Variants in POLE2 observed in about 807,000 individuals in gnomAD.
POLE2 encodes the protein DNA polymerase epsilon 2, accessory subunit.
In POLE2, 56 loss-of-function variants were observed where a neutral mutation model predicts 79.4. The observed-to-expected ratio is 0.71, with a 90% CI of 0.57 to 0.88. The LOEUF (loss-of-function observed/expected upper bound fraction) is 0.88. POLE2 is among the 40% of genes least tolerant of loss of function. POLE2 has a pLI of 0.00. For missense variants in POLE2, 598 were observed against 638.9 expected, an observed-to-expected ratio of 0.94 and a Z score of 0.69; for synonymous variants, 212 against 214.0, an observed-to-expected ratio of 0.99 and a Z score of 0.08.
intron 10 of POLE2, among the ~76,000 whole-genome samples, chr14:49,661,343 T>G (rs1594580608): frequency 1.3e-5 from 2 of 152,236 alleles, no homozygotes; most frequent in South Asian, 4.1e-4. Context: ...CTGATATTGT[T>G]ATTGTTCCCA....
At chr14:49,646,099 G>A (rs999294188) in intron 18 of POLE2, among the ~76,000 whole-genome samples, 4 of 152,090 alleles carry the variant, frequency 2.6e-5, no homozygotes, top group Admixed American at 1.3e-4. Flanking sequence ...AAGTGGGCTG[G>A]AAAAGAGCCA....
intron 16 of POLE2, 31 bp downstream of exon 16, chr14:49,651,238 G>A (rs1474384851): frequency 1.1e-6 from 1 of 928,442 alleles, no homozygotes; most frequent in Non-Finnish European, 1.8e-6. Context: ...CAACATGTAA[G>A]GCAGTTTAAT....
At chr14:49,668,130 T>C (rs1226189159) in intron 6 of POLE2, among the ~76,000 whole-genome samples, 4 of 150,712 alleles carry the variant, frequency 2.7e-5, no homozygotes, top group Non-Finnish European at 4.4e-5. Flanking sequence ...AAAAATTAGT[T>C]GGGCATGGTG....
chr14:49,647,344 C>T lies in POLE2; in HGVS notation c.1514G>A (p.Ser505Asn). ...LCINPGSFPR[S>N]GFSFKVFYPS... ...ATAAAAAACTTTGAATGAAAATCCA[C>T]TTCTTGGAAAAGAGCCCTTTGGGGG... Residue 505 changes from serine to asparagine, a missense_variant, in exon 18 of 19, where the codon AGT becomes AAT. Transcript: ENST00000216367. 1 of 1,571,754 alleles carries T rather than the reference C, an allele frequency of 6.4e-7. No individual in the cohort carries two copies. Among genetic ancestry groups the T allele is most frequent in the Non-Finnish European group, 8.7e-7 (1 of 1,155,498 alleles).
intron 10 of POLE2, 106 bp downstream of exon 10, chr14:49,663,209 A>G (rs1042170175): frequency 4.0e-6 from 2 of 499,826 alleles, no homozygotes; most frequent in Non-Finnish European, 3.5e-6. Flanking sequence ...CCATTTTGAC[A>G]CAAAGCCTGA....
chr14:49,676,034 G>A (rs1192265636), intron 3 of POLE2, among the ~76,000 whole-genome samples: 4 of 152,198 alleles, frequency 2.6e-5, no homozygotes, highest in African/African-American at 9.7e-5. Context: ...TTACAGGCCT[G>A]AGCCACCGCG....
chr14:49,644,814 G>C (rs1400434917), intron 18 of POLE2, among the ~76,000 whole-genome samples: 1 of 152,084 alleles, frequency 6.6e-6, no homozygotes, highest in African/African-American at 2.4e-5. Context: ...GCCAAGACCG[G>C]TGGATCACCT....
chr14:49,674,296 TG>T, intron 4 of POLE2, 53 bp downstream of exon 4: 1 of 1,466,354 alleles, frequency 6.8e-7, no homozygotes, highest in Non-Finnish European at 9.5e-7. Context: ...CTATACCTTC[TG>T]AAAAAAAAAG....
chr14:49,683,756 C>G, intron 1 of POLE2, 63 bp from the exon 2 acceptor site: 4 of 755,500 alleles, frequency 5.3e-6, no homozygotes, highest in Non-Finnish European at 9.0e-6. Flanking sequence ...AGTTTTCTGC[C>G]AAAAAGCAGC....
intron 18 of POLE2, among the ~76,000 whole-genome samples, chr14:49,645,965 A>G (rs1287760530): frequency 6.6e-6 from 1 of 152,112 alleles, no homozygotes; most frequent in Non-Finnish European, 1.5e-5. Context: ...TTTATGCCAA[A>G]TGTTATTTCA....
rs561749639 is a variant in POLE2 at position 49,679,413 on chromosome 14, A to C, written c.245+312T>G. The C allele has an allele frequency of 2.1e-5, 5 of 235,086 alleles. 1 individual carries two copies. In the South Asian group the frequency reaches 6.9e-4, roughly 32 times the overall value. 14.6% of individuals were successfully genotyped at this position (235,086 alleles called of 1,614,324 possible). A position where few individuals can be genotyped will look rare whatever the true frequency, so the allele number is the denominator to read the frequency against. ...AAGAGCAAAGTAAATTATACTTCTGAATATTCATTTCAATTCAACTCATTT... is the reference window on the plus strand; with the variant it reads ...AAGAGCAAAGTAAATTATACTTCTGCATATTCATTTCAATTCAACTCATTT... On this transcript the variant is annotated intron_variant, in intron 3 of 18. Transcript: ENST00000216367.
chr14:49,654,239 A>G (rs1379480515), intron 13 of POLE2, 25 bp from the exon 14 acceptor site: 3 of 1,499,086 alleles, frequency 2.0e-6, no homozygotes, highest in African/African-American at 1.4e-5. Context: ...AACACAATTC[A>G]TTTAAAAATA....
At chr14:49,654,507 C>CA (rs1286866000) in intron 13 of POLE2, 1 of 451,966 alleles carries the variant, frequency 2.2e-6, no homozygotes, top group Admixed American at 4.1e-5. Context: ...GACATGTGGC[C>CA]AGTGACTATC....
intron 6 of POLE2, 98 bp downstream of exon 6, chr14:49,669,426 T>C (rs1252937851): frequency 2.8e-6 from 2 of 703,966 alleles, no homozygotes; most frequent in Non-Finnish European, 2.5e-6. Context: ...CAGTTACCAA[T>C]AGTTTATTTT....
At chr14:49,682,648 A>G (rs1886811589) in intron 2 of POLE2, among the ~76,000 whole-genome samples, 1 of 147,314 alleles carries the variant, frequency 6.8e-6, no homozygotes, top group African/African-American at 2.6e-5. Flanking sequence ...GGGAAAAAAA[A>G]AAAAAAAAAA....
intron 3 of POLE2, 195 bp downstream of exon 3, chr14:49,679,530 C>A: frequency 4.0e-6 from 2 of 505,048 alleles, no homozygotes; most frequent in South Asian, 3.3e-5. Flanking sequence ...ACCTCAAATC[C>A]CAGGAAAAAC....
chr14:49,680,872 C>T (rs1250593654), intron 2 of POLE2, among the ~76,000 whole-genome samples: 2 of 151,804 alleles, frequency 1.3e-5, no homozygotes, highest in Non-Finnish European at 2.9e-5. Flanking sequence ...ACCTCGTGAT[C>T]CGCCCGCCTC....
At chr14:49,677,550 CCAGCAGTG>C in intron 3 of POLE2, 1 of 483,786 alleles carries the variant, frequency 2.1e-6, no homozygotes, top group Non-Finnish European at 3.7e-6. Context: ...ACTAGGCGAC[CCAGCAGTG>C]CACCATCTCC....
intron 2 of POLE2, among the ~76,000 whole-genome samples, chr14:49,682,242 G>A (rs920822921): frequency 1.7e-4 from 25 of 151,112 alleles, no homozygotes; most frequent in African/African-American, 7.3e-5. Flanking sequence ...GAACTCAGGC[G>A]TTCCCACCAG....
Sources: allele counts gnomAD v4.1 joint callset (sites outside exome capture counted in the v4.1 genomes callset), GRCh38; gene constraint gnomAD v4.1.1; transcripts MANE v1.5; gene names NCBI Gene and HGNC (gene_info 2026-07-23, HGNC 2026-07-21).